The following PNPLA7 variants were observed in gnomAD, a reference collection of about 807,000 sequenced individuals.
The protein encoded by PNPLA7 is patatin-like phospholipase domain-containing protein 7.
In PNPLA7, 153 loss-of-function variants were observed where a neutral mutation model predicts 161.7. The ratio of observed to expected loss-of-function variants is 0.95; its 90% CI spans 0.83 to 1.08. PNPLA7 has a LOEUF of 1.08. Ranked by LOEUF, PNPLA7 falls within the 50% of genes least tolerant of loss-of-function variation. PNPLA7 has a pLI of 0.00. For synonymous variants in PNPLA7, 809 were observed against 782.1 expected (o/e 1.03, Z -0.57); for missense variants, 1,739 against 1,856.6 (o/e 0.94, Z 1.16).
intron 25 of PNPLA7, among the ~76,000 whole-genome samples, chr9:137,477,084 G>T (rs1405616266): frequency 6.6e-6 from 1 of 152,224 alleles, no homozygotes; most frequent in African/African-American, 2.4e-5. Context: ...GGCAGCCCTG[G>T]CCTGGACCCC....
In PNPLA7 at chr9:137,524,744, C is replaced by T. The variant is rs371623015; in HGVS notation, c.748-1887G>A. Among the ~76,000 whole-genome samples, 3 of 152,154 alleles carry T rather than the reference C, an allele frequency of 2.0e-5. No individual in the cohort carries two copies. The highest frequency in any genetic ancestry group is 4.8e-5 in the African/African-American group (2 of 41,500). ...TTCTCACCAGCAGCGAACGAGTTTC[C>T]GTGGATGCCCCGTGGAATGAGTTTC... On this transcript the variant is annotated intron_variant, in intron 8 of 34. Coordinates refer to ENST00000406427, the MANE Select transcript of PNPLA7 (RefSeq NM_001098537.3). The surrounding 1 kb of genome is among the most constrained non-coding windows in gnomAD (Gnocchi z 4.4).
chr9:137,481,539 C>T (rs1832219894), intron 21 of PNPLA7, among the ~76,000 whole-genome samples: 1 of 152,236 alleles, frequency 6.6e-6, no homozygotes, highest in African/African-American at 2.4e-5. Context: ...CCTGGCATCA[C>T]AGCCACCAGA....
Position 137,500,870 on chromosome 9 carries a change from C to A in PNPLA7, c.1578G>T (p.Ser526=). The A allele has an allele frequency of 1.3e-6, 2 of 1,583,056 alleles. No individual in the cohort carries two copies. Among genetic ancestry groups the A allele is most frequent in the Non-Finnish European group, 8.6e-7 (1 of 1,167,720 alleles). ...TCCGCTGGTACACGTGCAGCAGCCC[C>A]GAGACCACGAACAGGATGCTGGCGT... ...DQDASILFVV[S]GLLHVYQRKI... Residue 526 remains serine, a synonymous_variant, in exon 16 of 35, where the codon TCG becomes TCT. Coordinates refer to ENST00000406427, the MANE Select transcript of PNPLA7 (RefSeq NM_001098537.3). This position sits in a 1 kb window ranked among gnomAD's most constrained non-coding sequence, Gnocchi z 5.5.
intron 30 of PNPLA7, 151 bp downstream of exon 30, chr9:137,462,534 C>G (rs960184083): frequency 7.9e-6 from 11 of 1,395,646 alleles, no homozygotes; most frequent in South Asian, 1.4e-5. Flanking sequence ...TTCCTTCGCC[C>G]GAGTTGGGCT....
intron 12 of PNPLA7, among the ~76,000 whole-genome samples, chr9:137,513,408 A>G (rs1027075578): frequency 4.6e-5 from 7 of 151,900 alleles, no homozygotes; most frequent in Admixed American, 4.6e-4. Flanking sequence ...CCTGGGAGGC[A>G]GAAGTTGCGG....
At position 137,484,824 on chromosome 9, in the gene PNPLA7, G is replaced by T. The variant is rs987777682; in HGVS notation, c.2198-88C>A. The T allele has an allele frequency of 6.3e-6, 9 of 1,439,904 alleles. No individual in the cohort carries two copies. In the Admixed American group the frequency reaches 1.9e-4, roughly 30 times the overall value. The allele number at this position is 1,439,904 out of a possible 1,614,324, so 89.2% of individuals were successfully genotyped here. The stretch of plus-strand genomic sequence containing the variant: ...CCCTGGGGCCCCCCGAGGCTGCACA[G>T]GAGCAACGCAGCAGCACCAGAGGCC... On this transcript the variant is annotated intron_variant, in intron 20 of 34. Transcript: ENST00000406427.
intron 12 of PNPLA7, among the ~76,000 whole-genome samples, chr9:137,512,683 G>A (rs1240946103): frequency 6.6e-6 from 1 of 152,108 alleles, no homozygotes; most frequent in African/African-American, 2.4e-5. Flanking sequence ...GCTCATGCCT[G>A]TTTCCCAACA....
At chr9:137,531,000 G>C (rs556703942) in intron 8 of PNPLA7, among the ~76,000 whole-genome samples, 3 of 152,174 alleles carry the variant, frequency 2.0e-5, no homozygotes, top group Non-Finnish European at 2.9e-5. Context: ...CTCAGCTCTT[G>C]GCACATGCTA....
rs191939888 is a variant in PNPLA7 at position 137,514,281 on chromosome 9, G to A, written c.1225+1098C>T. 9.0e-3 allele frequency among the ~76,000 whole-genome samples: 1,306 copies of A among 145,354 alleles called. 39 individuals carry two copies. The highest frequency in any genetic ancestry group is 4.3e-3 in the Non-Finnish European group (287 of 66,692). On this transcript the variant is annotated intron_variant, in intron 12 of 34. Transcript: ENST00000406427. ...GGGTCACCTGGCTGTTGAGATGCCC[G>A]GGCCCTGTGGCCGGGCTGTGGGCGG...
intron 14 of PNPLA7, among the ~76,000 whole-genome samples, chr9:137,501,987 G>A (rs997540045): frequency 1.3e-5 from 2 of 152,240 alleles, no homozygotes; most frequent in African/African-American, 4.8e-5. Flanking sequence ...ACAGACACTC[G>A]TATTTTTGTG....
At chr9:137,487,980 G>A (rs1832574885) in intron 20 of PNPLA7, among the ~76,000 whole-genome samples, 1 of 152,266 alleles carries the variant, frequency 6.6e-6, no homozygotes, top group Admixed American at 6.5e-5. Context: ...ATGTGTCTCC[G>A]CCTCTAGGCG....
intron 20 of PNPLA7, among the ~76,000 whole-genome samples, chr9:137,489,716 T>A (rs1029704310): frequency 1.3e-5 from 2 of 152,102 alleles, no homozygotes; most frequent in African/African-American, 4.8e-5. Flanking sequence ...AACATTTTTT[T>A]AAAACTCTCT....
Position 137,523,771 on chromosome 9 carries a change from C to T in PNPLA7, c.748-914G>A, listed in dbSNP as rs529852712. On this transcript the variant is annotated intron_variant, in intron 8 of 34. Coordinates refer to ENST00000406427, the MANE Select transcript of PNPLA7 (RefSeq NM_001098537.3). This position sits in a 1 kb window ranked among gnomAD's most constrained non-coding sequence, Gnocchi z 4.4. ...CCTCCACAGTAGCTGGGGCTACAAGCGCCCGCCACCACGCCCGGCTAATTT... is the reference window on the plus strand; with the variant it reads ...CCTCCACAGTAGCTGGGGCTACAAGTGCCCGCCACCACGCCCGGCTAATTT... Among the ~76,000 whole-genome samples, 9 of 152,234 alleles carry T rather than the reference C, an allele frequency of 5.9e-5. No individual in the cohort carries two copies. The East Asian group carries it at 9.7e-4, about 16-fold the overall frequency.
chr9:137,464,277 G>A, intron 27 of PNPLA7, 63 bp downstream of exon 27: 1 of 1,606,586 alleles, frequency 6.2e-7, no homozygotes, highest in Non-Finnish European at 8.5e-7. Context: ...AGGGCCAAGA[G>A]GTGGGGGGCC....
At chr9:137,549,263 A>C (rs1372321295) in intron 1 of PNPLA7, among the ~76,000 whole-genome samples, 1 of 151,654 alleles carries the variant, frequency 6.6e-6, no homozygotes, top group Non-Finnish European at 1.5e-5. Flanking sequence ...CGGGCAGATC[A>C]TGAGGTCAAG....
At chr9:137,482,816 T>A (rs1832286901) in intron 21 of PNPLA7, among the ~76,000 whole-genome samples, 1 of 152,270 alleles carries the variant, frequency 6.6e-6, no homozygotes, top group South Asian at 2.1e-4. Context: ...ATGGGGTCTC[T>A]CTTTACTATT....
Position 137,522,760 on chromosome 9 carries a change from T to G in PNPLA7, c.845A>C (p.Lys282Thr), listed in dbSNP as rs1415008427. The change falls in exon 9 of 35, where the codon AAA becomes ACA. Residue 282 changes from lysine to threonine, a missense_variant. Coordinates refer to ENST00000406427, the MANE Select transcript of PNPLA7 (RefSeq NM_001098537.3). ...PAAAFHGVFE[K>T]YPETLVRVVQ... is the part of the protein sequence containing the mutation. ...CACCCTCACCAGAGTTTCCGGATAT[T>G]TCTCAAAAACTCCATGAAAAGCCGC... 6.2e-7 allele frequency: 1 copy of G among 1,613,680 alleles called. No individual in the cohort carries two copies.
intron 30 of PNPLA7, 75 bp from the exon 31 acceptor site, chr9:137,462,406 A>T: frequency 4.6e-6 from 7 of 1,522,524 alleles, no homozygotes; most frequent in Non-Finnish European, 6.2e-6. Flanking sequence ...GGCGCAGGAC[A>T]GGTTCTGGGG....
chr9:137,461,795 C>T, intron 32 of PNPLA7, 136 bp downstream of exon 32: 1 of 1,205,838 alleles, frequency 8.3e-7, no homozygotes, highest in Non-Finnish European at 1.1e-6. Flanking sequence ...TTGTCCTGGC[C>T]CTGGAGTCTT....
Sources: gnomAD v4.1 joint callset for allele counts (sites outside exome capture counted in the v4.1 genomes callset) on GRCh38, gnomAD v4.1.1 for gene constraint, Gnocchi (gnomAD v3.1) non-coding constraint, MANE v1.5 for transcripts, NCBI Gene and HGNC (gene_info 2026-07-23, HGNC 2026-07-21) for gene names.